The following NTM variants were observed in gnomAD, a reference collection of about 807,000 sequenced individuals.
NTM encodes the protein neurotrimin, also known as IgLON family member 2.
Under a neutral mutation model 42.1 loss-of-function variants are expected in NTM, and 13 were observed. The observed-to-expected ratio is 0.31, with a 90% CI of 0.20 to 0.49. NTM has a LOEUF of 0.49. Among genes scored for constraint, NTM ranks in the 20% least tolerant of loss-of-function variants. The pLI is 0.99. For missense variants in NTM, 373 were observed against 452.8 expected (o/e 0.82, Z 1.60); for synonymous variants, 187 against 179.2 (o/e 1.04, Z -0.35).
intron 2 of NTM, among the ~76,000 whole-genome samples, chr11:132,029,253 A>C (rs528147566): frequency 1.3e-5 from 2 of 151,762 alleles, no homozygotes; most frequent in Non-Finnish European, 2.9e-5. Context: ...GGTTAGTTAC[A>C]TATGTATACA....
intron 4 of NTM, among the ~76,000 whole-genome samples, chr11:132,286,500 C>T (rs962804430): frequency 6.6e-6 from 1 of 152,108 alleles, no homozygotes; most frequent in Non-Finnish European, 1.5e-5. Flanking sequence ...CGATATTACA[C>T]ATACTTTGCC....
At chr11:131,772,379 A>G (rs2135930136) in intron 1 of NTM, among the ~76,000 whole-genome samples, 1 of 152,258 alleles carries the variant, frequency 6.6e-6, no homozygotes, top group South Asian at 2.1e-4. Context: ...TAGATTCCTA[A>G]TCAATTGCCT....
intron 1 of NTM, among the ~76,000 whole-genome samples, chr11:131,829,529 C>T (rs1239653704): frequency 6.6e-6 from 1 of 152,054 alleles, no homozygotes; most frequent in Non-Finnish European, 1.5e-5. Flanking sequence ...TCATTCTTTC[C>T]TATGGCATAG....
intron 1 of NTM, among the ~76,000 whole-genome samples, chr11:131,760,470 C>T (rs866995421): frequency 2.7e-4 from 41 of 152,270 alleles, no homozygotes; most frequent in African/African-American, 9.1e-4. Context: ...CAGCATGGCG[C>T]ATTGTTAAAA....
Position 132,335,051 on chromosome 11 carries a change from G to T in NTM, c.973G>T (p.Gly325Cys). The change falls in exon 9 of 9, where the codon GGC becomes TGC. Residue 325 changes from glycine to cysteine, a missense_variant. Physicochemically the swap from Gly to Cys is radical, Grantham distance 159. Coordinates refer to ENST00000683400, the MANE Select transcript of NTM (RefSeq NM_001352005.2). ...TTALTPWKGPGAVSEVSNGTS... is the reference protein window; with the variant it reads ...TTALTPWKGPCAVSEVSNGTS... ...CGAGTGTGTTCTCTCCACAGGTCCA[G>T]GCGCCGTCAGCGAGGTGAGCAACGG... 1 of 1,612,136 alleles carries T rather than the reference G, an allele frequency of 6.2e-7. No homozygotes were observed.
intron 2 of NTM, among the ~76,000 whole-genome samples, chr11:132,082,943 G>A (rs139927950): frequency 1.4e-3 from 209 of 152,202 alleles, no homozygotes; most frequent in African/African-American, 3.3e-3. Context: ...TCAGATAACC[G>A]GTGGCTATAG....
chr11:131,849,607 G>A (rs1013036449), intron 1 of NTM, among the ~76,000 whole-genome samples: 3 of 152,068 alleles, frequency 2.0e-5, no homozygotes, highest in African/African-American at 7.2e-5. Context: ...AACTCAATGT[G>A]AGATTCGAGC....
chr11:131,803,606 G>A lies in NTM; in HGVS notation c.83-107958G>A, dbSNP rs1198997047. Among the ~76,000 whole-genome samples the A allele has an allele frequency of 3.9e-5, 6 of 152,132 alleles. No homozygotes were observed. In the East Asian group the frequency reaches 7.7e-4, roughly 20 times the overall value. On this transcript the variant is annotated intron_variant, in intron 1 of 8. Coordinates refer to ENST00000683400, the MANE Select transcript of NTM (RefSeq NM_001352005.2). The stretch of plus-strand genomic sequence containing the variant: ...ATTACAGGTGTAAGCCACTGCGCCC[G>A]GCCATCACTGACTTATTAATTATCA...
At chr11:131,795,028 C>G (rs974994002) in intron 1 of NTM, 1 of 982,068 alleles carries the variant, frequency 1.0e-6, no homozygotes, top group African/African-American at 1.8e-5. Context: ...CTTCCTGGAC[C>G]CTGTAGCCAA....
intron 3 of NTM, among the ~76,000 whole-genome samples, chr11:132,149,709 A>C (rs898458128): frequency 1.3e-5 from 2 of 152,108 alleles, no homozygotes; most frequent in Admixed American, 6.5e-5. Flanking sequence ...CACATGGAGC[A>C]AGTCTCTGGG....
intron 1 of NTM, among the ~76,000 whole-genome samples, chr11:131,747,273 C>A (rs943561319): frequency 6.6e-6 from 1 of 152,172 alleles, no homozygotes; most frequent in East Asian, 1.9e-4. Flanking sequence ...AGCTGAATAA[C>A]CCACGAGCAC....
intron 1 of NTM, among the ~76,000 whole-genome samples, chr11:131,852,071 G>A (rs1405847453): frequency 6.6e-6 from 1 of 152,172 alleles, no homozygotes; most frequent in Non-Finnish European, 1.5e-5. Flanking sequence ...CGAATAGAGA[G>A]AAAGGCAGAG....
At chr11:131,398,425 C>T (rs1050990777) in intron 1 of NTM, among the ~76,000 whole-genome samples, 1 of 152,106 alleles carries the variant, frequency 6.6e-6, no homozygotes, top group East Asian at 1.9e-4. Flanking sequence ...TTTTCTTATT[C>T]TCTGCCATGG....
intron 2 of NTM, among the ~76,000 whole-genome samples, chr11:132,006,160 A>T (rs1387370160): frequency 6.6e-6 from 1 of 152,098 alleles, no homozygotes; most frequent in East Asian, 1.9e-4. Context: ...GCATTCAAGG[A>T]TGTGTAGGAG....
chr11:131,743,609 G>A (rs753438627), intron 1 of NTM, among the ~76,000 whole-genome samples: 11 of 152,140 alleles, frequency 7.2e-5, no homozygotes, highest in African/African-American at 9.7e-5. Flanking sequence ...CAGAATGAAG[G>A]CATATCAGGC....
intron 1 of NTM, among the ~76,000 whole-genome samples, chr11:131,437,570 G>A (rs916344364): frequency 6.6e-6 from 1 of 152,172 alleles, no homozygotes; most frequent in South Asian, 2.1e-4. Flanking sequence ...ATCTTTGTTG[G>A]TTTGAAGTCT....
At chr11:131,444,245 G>GT (rs1949863055) in intron 1 of NTM, among the ~76,000 whole-genome samples, 1 of 149,862 alleles carries the variant, frequency 6.7e-6, no homozygotes, top group Non-Finnish European at 1.5e-5. Flanking sequence ...CCAATATGGG[G>GT]GACAGAAAGA....
intron 4 of NTM, among the ~76,000 whole-genome samples, chr11:132,278,542 C>T (rs1357788739): frequency 6.6e-6 from 1 of 152,096 alleles, no homozygotes; most frequent in African/African-American, 2.4e-5. Flanking sequence ...TACATTGCAG[C>T]CCCACCCAGA....
chr11:132,017,970 C>G (rs1397216648), intron 2 of NTM, among the ~76,000 whole-genome samples: 1 of 152,020 alleles, frequency 6.6e-6, no homozygotes, highest in African/African-American at 2.4e-5. Flanking sequence ...TGCCAATGCT[C>G]TTTCCTGAAA....
Sources: gnomAD v4.1 joint callset for allele counts (sites outside exome capture counted in the v4.1 genomes callset) on GRCh38, gnomAD v4.1.1 for gene constraint, MANE v1.5 for transcripts, NCBI Gene and HGNC (gene_info 2026-07-23, HGNC 2026-07-21) for gene names.